Variants in MBD5 observed in about 807,000 individuals in gnomAD.
The protein encoded by MBD5 is methyl-CpG binding domain protein 5.
A neutral mutation model predicts 117.3 loss-of-function variants in MBD5; 13 were observed. The ratio of observed to expected loss-of-function variants is 0.11; its 90% CI spans 0.07 to 0.18. The LOEUF is 0.18. Ranked by LOEUF, MBD5 falls within the 10% of genes least tolerant of loss-of-function variation. The pLI, the probability that MBD5 is intolerant of heterozygous loss-of-function variation, is 1.00. For missense variants in MBD5, 1,879 were observed against 2,093.8 expected (o/e 0.90, Z 2.00); for synonymous variants, 727 against 766.4 (o/e 0.95, Z 0.85).
At chr2:148,460,687 C>T (rs1475307056) in intron 5 of MBD5, among the ~76,000 whole-genome samples, 1 of 152,076 alleles carries the variant, frequency 6.6e-6, no homozygotes, top group Non-Finnish European at 1.5e-5. Flanking sequence ...TTAATTATTA[C>T]TCTGAGAAAT....
intron 1 of MBD5, among the ~76,000 whole-genome samples, chr2:148,117,611 G>A (rs779365572): frequency 2.6e-5 from 4 of 152,020 alleles, no homozygotes; most frequent in African/African-American, 4.8e-5. Flanking sequence ...AAAATAATTA[G>A]ACTAACCAGA....
chr2:148,036,114 A>G (rs1694188340), intron 1 of MBD5, among the ~76,000 whole-genome samples: 1 of 152,154 alleles, frequency 6.6e-6, no homozygotes, highest in Admixed American at 6.5e-5. Context: ...CATTTGCCAG[A>G]TTCTTTACAT....
At chr2:148,386,444 C>A (rs1206176816) in intron 4 of MBD5, among the ~76,000 whole-genome samples, 2 of 152,104 alleles carry the variant, frequency 1.3e-5, no homozygotes, top group East Asian at 3.9e-4. Flanking sequence ...GCCGGCCGGG[C>A]GCGGTGGCTC....
intron 4 of MBD5, among the ~76,000 whole-genome samples, chr2:148,373,002 T>A (rs967634194): frequency 6.6e-6 from 1 of 152,138 alleles, no homozygotes; most frequent in Non-Finnish European, 1.5e-5. Context: ...GACCTACATC[T>A]TTTCTTTTGG....
At chr2:148,160,128 G>A (rs992349737) in intron 1 of MBD5, among the ~76,000 whole-genome samples, 25 of 152,258 alleles carry the variant, frequency 1.6e-4, no homozygotes, top group East Asian at 9.7e-4. Flanking sequence ...GGCCGGGTGC[G>A]GTGGCTCACG....
intron 1 of MBD5, among the ~76,000 whole-genome samples, chr2:148,148,748 G>C (rs892549297): frequency 1.3e-5 from 2 of 152,000 alleles, no homozygotes; most frequent in African/African-American, 2.4e-5. Context: ...TGACATGCTT[G>C]ATAGAACCAG....
chr2:148,072,180 A>G (rs1558913792), intron 1 of MBD5: 1 of 152,156 alleles, frequency 6.6e-6, no homozygotes, highest in Non-Finnish European at 1.5e-5. Context: ...ATCGTCATAG[A>G]TATACTGGCT....
intron 3 of MBD5, among the ~76,000 whole-genome samples, chr2:148,281,149 A>G (rs751575777): frequency 2.8e-4 from 43 of 152,208 alleles, no homozygotes; most frequent in Admixed American, 6.5e-4. Flanking sequence ...GGGATATCTT[A>G]GACATTATCT....
chr2:148,133,306 G>C (rs959407826), intron 1 of MBD5, among the ~76,000 whole-genome samples: 1 of 152,048 alleles, frequency 6.6e-6, no homozygotes, highest in Non-Finnish European at 1.5e-5. Flanking sequence ...AAGATATTTG[G>C]TATTGCAGTT....
Position 148,468,685 on chromosome 2 carries a change from G to C in MBD5, c.742G>C (p.Asp248His), listed in dbSNP as rs753529014. The C allele has an allele frequency of 3.7e-6, 6 of 1,613,758 alleles. No homozygotes were observed. The highest frequency in any genetic ancestry group is 5.1e-6 in the Non-Finnish European group (6 of 1,179,862). The change falls in exon 8 of 14, where the codon GAT (aspartate) becomes CAT (histidine). Residue 248 changes from aspartate (D) to histidine (H), a missense_variant. Around this residue, in one of 4 missense-constraint regions of MBD5, gnomAD observed 1,666 missense variants for 1,792.2 expected, o/e 0.93. Transcript: ENST00000642680. ...AAGGACTGACCCACTTGGAAGTCCT[G>C]ATGTTTTCACAAGAAGTAATCCTGG... ...SPRTDPLGSP[D>H]VFTRSNPGFH...
chr2:148,436,600 G>A (rs1426499167), intron 4 of MBD5, among the ~76,000 whole-genome samples: 3 of 152,138 alleles, frequency 2.0e-5, no homozygotes, highest in East Asian at 3.9e-4. Flanking sequence ...TCGAACTCCC[G>A]ACCTCAGGTG....
At chr2:148,146,805 T>C (rs78417516) in intron 1 of MBD5, among the ~76,000 whole-genome samples, 1 of 152,304 alleles carries the variant, frequency 6.6e-6, no homozygotes, top group South Asian at 2.1e-4. Flanking sequence ...TTGTTTCTTA[T>C]ATAAGATAGT....
chr2:148,261,509 C>T (rs1404752411), intron 3 of MBD5, among the ~76,000 whole-genome samples: 1 of 152,184 alleles, frequency 6.6e-6, no homozygotes, highest in Non-Finnish European at 1.5e-5. Flanking sequence ...AGCTTCCTCA[C>T]CTCTCTCAGC....
intron 2 of MBD5, among the ~76,000 whole-genome samples, chr2:148,227,756 T>G (rs1340281851): frequency 6.6e-6 from 1 of 152,214 alleles, no homozygotes; most frequent in East Asian, 1.9e-4. Flanking sequence ...GCATGGAATG[T>G]TCTTCCATTT....
At chr2:148,434,258 T>C (rs1706086443) in intron 4 of MBD5, among the ~76,000 whole-genome samples, 1 of 152,048 alleles carries the variant, frequency 6.6e-6, no homozygotes, top group African/African-American at 2.4e-5. Context: ...TTCATTTGGA[T>C]CTTCTTTTTT....
chr2:148,262,681 A>G (rs1700759930), intron 3 of MBD5, among the ~76,000 whole-genome samples: 1 of 152,220 alleles, frequency 6.6e-6, no homozygotes, highest in Non-Finnish European at 1.5e-5. Context: ...TGGGATTTGA[A>G]CCAAGGCAGA....
chr2:148,140,500 C>T (rs1260493205), intron 1 of MBD5, among the ~76,000 whole-genome samples: 1 of 152,082 alleles, frequency 6.6e-6, no homozygotes, highest in Non-Finnish European at 1.5e-5. Context: ...TTTAGTTAAT[C>T]TCTTGAGGAA....
intron 9 of MBD5, among the ~76,000 whole-genome samples, chr2:148,484,448 A>C (rs1681270518): frequency 6.6e-6 from 1 of 152,230 alleles, no homozygotes; most frequent in Non-Finnish European, 1.5e-5. Context: ...TTTTTCAAAT[A>C]ATAAAGCACA....
At position 148,298,191 on chromosome 2, in the gene MBD5, G is replaced by T. The variant is rs73013080; in HGVS notation, c.-679-44023G>T. 5.5e-3 allele frequency among the ~76,000 whole-genome samples: 840 copies of T among 152,266 alleles called. 9 individuals are homozygous for T. The highest frequency in any genetic ancestry group is 0.02 in the African/African-American group (813 of 41,542). ...CTTTTGCTCTACAGGTAAGGTCTTG[G>T]TGCAGAAAGGGAACCCCTGGCCTCT... On this transcript the variant is annotated intron_variant, in intron 3 of 13. Transcript: ENST00000642680.
Sources: allele counts gnomAD v4.1 joint callset (sites outside exome capture counted in the v4.1 genomes callset), GRCh38; gene constraint gnomAD v4.1.1; regional missense constraint gnomAD v4.1.1; transcripts MANE v1.5; gene names NCBI Gene and HGNC (gene_info 2026-07-23, HGNC 2026-07-21).